The following PMM2 variants were observed in gnomAD, a reference collection of about 807,000 sequenced individuals.
PMM2 encodes mannose-6-phosphate isomerase.
A neutral mutation model predicts 33.2 loss-of-function variants in PMM2; 35 were observed. That is an observed-to-expected ratio of 1.06 (90% CI 0.81 to 1.40). The LOEUF (loss-of-function observed/expected upper bound fraction) is 1.40. Among genes scored for constraint, PMM2 ranks in the 40% most tolerant of loss-of-function variants. The probability of loss-of-function intolerance (pLI) is 0.00; values close to 1 mark genes in which losing one functional copy is unlikely to be tolerated. For missense variants in PMM2, 386 were observed against 306.0 expected, an observed-to-expected ratio of 1.26 and a Z score of -1.95; for synonymous variants, 153 against 114.7, an observed-to-expected ratio of 1.33 and a Z score of -2.13.
rs1344545468 is a variant in PMM2 at position 8,804,852 on chromosome 16, T to C, written c.255+9T>C. The C allele has an allele frequency of 5.8e-6, 9 of 1,564,170 alleles. No individual in the cohort carries two copies. The highest frequency in any genetic ancestry group is 1.4e-5 in the African/African-American group (1 of 73,938). On this transcript the variant is annotated intron_variant, in intron 3 of 7. Transcript: ENST00000268261. ...AACTCTTGTGTAGACAGGTAGGTTC[T>C]TGAGTATCTGAATTACTATATACTA...
chr16:8,830,518 G>T (rs949240553), intron 7 of PMM2, among the ~76,000 whole-genome samples: 1 of 152,138 alleles, frequency 6.6e-6, no homozygotes, highest in East Asian at 1.9e-4. Flanking sequence ...GAAATCATAG[G>T]GGGTAGAAGT....
At chr16:8,847,169 G>A (rs1873429440) in intron 7 of PMM2, among the ~76,000 whole-genome samples, 1 of 152,086 alleles carries the variant, frequency 6.6e-6, no homozygotes, top group Non-Finnish European at 1.5e-5. Context: ...CGGCCCACGT[G>A]GGGCTGTTTA....
At chr16:8,807,811 T>A (rs1057090245) in intron 4 of PMM2, 8 of 152,206 alleles carry the variant, frequency 5.3e-5, no homozygotes, top group African/African-American at 1.9e-4. Context: ...AATGTTTGGT[T>A]TGGGGACCTA....
At chr16:8,799,185 T>C (rs892458841) in intron 1 of PMM2, among the ~76,000 whole-genome samples, 1 of 152,200 alleles carries the variant, frequency 6.6e-6, no homozygotes, top group South Asian at 2.1e-4. Context: ...AGAGTGGCTG[T>C]GTACCAATAA....
rs182286461 is a variant in PMM2 at position 8,814,681 on chromosome 16, C to T, written c.639+1575C>T. Among the ~76,000 whole-genome samples, 25 of 152,286 alleles carry T rather than the reference C, an allele frequency of 1.6e-4. No individual in the cohort carries two copies. In the East Asian group the frequency reaches 4.8e-3, roughly 29 times the overall value. ...AGCTGGTGGCACCAGAAGAAGTCTA[C>T]CTGTTCTTTGTATGTTTTAAATAGC... is the stretch of plus-strand genomic sequence containing the variant. On this transcript the variant is annotated intron_variant, in intron 7 of 7. Coordinates refer to ENST00000268261, the MANE Select transcript of PMM2 (RefSeq NM_000303.3).
intron 7 of PMM2, among the ~76,000 whole-genome samples, chr16:8,843,088 GA>G (rs2060901048): frequency 6.6e-6 from 1 of 152,110 alleles, no homozygotes; most frequent in Non-Finnish European, 1.5e-5. Context: ...GGCAGGTGGG[GA>G]TAACTAAAAA....
At chr16:8,820,974 G>C (rs2060735992) in intron 7 of PMM2, among the ~76,000 whole-genome samples, 1 of 143,162 alleles carries the variant, frequency 7.0e-6, no homozygotes, top group African/African-American at 2.6e-5. Flanking sequence ...TTCCAAGTTA[G>C]GCTTTGGATG....
At chr16:8,845,875 G>C (rs746281360) in intron 7 of PMM2, among the ~76,000 whole-genome samples, 1 of 150,772 alleles carries the variant, frequency 6.6e-6, no homozygotes, top group African/African-American at 2.4e-5. Context: ...TCAGCTACTC[G>C]AGAGGCTGAG....
intron 7 of PMM2, among the ~76,000 whole-genome samples, chr16:8,833,736 C>G (rs113216033): frequency 0.14 from 21,529 of 149,236 alleles, 1,609 homozygotes; most frequent in East Asian, 0.23. Flanking sequence ...TGGATGAATT[C>G]AGAAACTAAA....
intron 7 of PMM2, among the ~76,000 whole-genome samples, chr16:8,825,507 G>C (rs190022407): frequency 1.3e-5 from 2 of 151,952 alleles, no homozygotes; most frequent in Admixed American, 1.3e-4. Context: ...TTTTAGTAGA[G>C]ACTGGGTTTC....
intron 7 of PMM2, among the ~76,000 whole-genome samples, chr16:8,825,805 G>C (rs1490705924): frequency 6.8e-6 from 1 of 147,006 alleles, no homozygotes; most frequent in African/African-American, 2.5e-5. Context: ...GCCCAGGCTG[G>C]AGTGCAGTGG....
At chr16:8,844,639 G>T (rs527980696) in intron 7 of PMM2, among the ~76,000 whole-genome samples, 1 of 152,244 alleles carries the variant, frequency 6.6e-6, no homozygotes, top group Non-Finnish European at 1.5e-5. Context: ...CCTCTGAAAC[G>T]TGGGTGAATG....
At chr16:8,834,802 T>G in intron 7 of PMM2, among the ~76,000 whole-genome samples, 2 of 151,632 alleles carry the variant, frequency 1.3e-5, no homozygotes, top group Non-Finnish European at 1.5e-5. Context: ...GTGATCAGGG[T>G]GAGGAACAGG....
intron 7 of PMM2, among the ~76,000 whole-genome samples, chr16:8,815,955 T>G (rs1345092338): frequency 6.7e-6 from 1 of 149,368 alleles, no homozygotes; most frequent in African/African-American, 2.5e-5. Flanking sequence ...AACAACTCAA[T>G]GGCAAAAAAA....
chr16:8,798,873 C>G (rs1484771383), intron 1 of PMM2, among the ~76,000 whole-genome samples: 1 of 152,142 alleles, frequency 6.6e-6, no homozygotes. Flanking sequence ...ATGGTGTGCT[C>G]CAGAAGTCCA....
intron 1 of PMM2, 106 bp downstream of exon 1, chr16:8,798,054 G>T: frequency 9.4e-7 from 1 of 1,058,228 alleles, no homozygotes; most frequent in South Asian, 1.4e-5. Context: ...GCTAAGGACC[G>T]CCTACGTCCT....
chr16:8,843,329 C>T (rs2060902448), intron 7 of PMM2, among the ~76,000 whole-genome samples: 1 of 152,126 alleles, frequency 6.6e-6, no homozygotes, highest in South Asian at 2.1e-4. Context: ...CTGGGGGCTT[C>T]CAAGGCGATT....
intron 7 of PMM2, among the ~76,000 whole-genome samples, chr16:8,817,037 G>T (rs372238597): frequency 5.4e-4 from 82 of 152,308 alleles, no homozygotes; most frequent in African/African-American, 1.8e-3. Context: ...TCCCGCTTCA[G>T]CCTCCCAAGT....
chr16:8,833,092 C>T (rs2060821054), intron 7 of PMM2: 1 of 186,684 alleles, frequency 5.4e-6, no homozygotes, highest in Non-Finnish European at 1.0e-5. Context: ...GTGTGAGCAA[C>T]ATGGCTGTTT....
Sources: gnomAD v4.1 joint callset for allele counts (sites outside exome capture counted in the v4.1 genomes callset) on GRCh38, gnomAD v4.1.1 for gene constraint, MANE v1.5 for transcripts, NCBI Gene and HGNC (gene_info 2026-07-23, HGNC 2026-07-21) for gene names.